Variants in PASD1 observed in about 807,000 individuals in gnomAD.
PASD1 encodes PAS domain containing repressor 1, also known as circadian clock protein PASD1.
In PASD1, 13 loss-of-function variants were observed where a neutral mutation model predicts 58.8. That is an observed-to-expected ratio of 0.22 (90% CI 0.14 to 0.35). The LOEUF is 0.35. PASD1 is among the 10% of genes least tolerant of loss of function. The pLI is 1.00. For missense variants in PASD1, 734 were observed against 568.3 expected, an observed-to-expected ratio of 1.29 and a Z score of -2.96; for synonymous variants, 236 against 216.7, an observed-to-expected ratio of 1.09 and a Z score of -0.78.
intron 4 of PASD1, among the ~76,000 whole-genome samples, chrX:151,614,055 G>A (rs766235977): frequency 1.3e-4 from 14 of 109,572 alleles, no homozygotes; most frequent in Non-Finnish European, 2.7e-4. Flanking sequence ...TGCGATCTCG[G>A]CTCACTGCAA....
At chrX:151,608,904 T>C (rs1004394932) in intron 3 of PASD1, among the ~76,000 whole-genome samples, 1 of 111,710 alleles carries the variant, frequency 9.0e-6, no homozygotes, top group African/African-American at 3.2e-5. Flanking sequence ...TGTAATGATA[T>C]CCACTTTTCA....
intron 1 of PASD1, among the ~76,000 whole-genome samples, chrX:151,576,176 T>A (rs1249545555): frequency 9.0e-6 from 1 of 110,953 alleles, no homozygotes. Context: ...TCCTAATTTT[T>A]AAATTTTTTT....
chrX:151,585,955 C>T lies in PASD1; in HGVS notation c.-27-15572C>T, dbSNP rs1283521497. On this transcript the variant is annotated intron_variant, in intron 1 of 15. Coordinates refer to ENST00000370357, the MANE Select transcript of PASD1 (RefSeq NM_173493.3). ...AATTAACAAACATTTAATTACCTGC[C>T]TGATACTGATCAGCAGAATTCTTAC... 4.5e-5 allele frequency among the ~76,000 whole-genome samples: 5 copies of T among 111,603 alleles called. 1 individual carries two copies.
At chrX:151,672,126 T>C (rs1172506743) in intron 13 of PASD1, 57 bp from the exon 14 acceptor site, 3 of 1,114,733 alleles carry the variant, frequency 2.7e-6, no homozygotes, top group African/African-American at 1.9e-5. Context: ...GTTAAATAAG[T>C]TTCTGGGAGG....
rs371504081 is a variant in PASD1 at position 151,619,217 on chromosome X, T to A, written c.208-1713T>A. Among the ~76,000 whole-genome samples the A allele has an allele frequency of 1.6e-4, 18 of 111,401 alleles. No individual in the cohort carries two copies. The Admixed American group carries it at 1.6e-3, about 10-fold the overall frequency. ...TGGACTGGATATTGAGTTTGAGAGA[T>A]AAAAGGCAAGTCAAGGACAAGTAAA... On this transcript the variant is annotated intron_variant, in intron 4 of 15. Coordinates refer to ENST00000370357, the MANE Select transcript of PASD1 (RefSeq NM_173493.3).
intron 4 of PASD1, among the ~76,000 whole-genome samples, chrX:151,613,388 A>G (rs1249892638): frequency 9.2e-6 from 1 of 108,450 alleles, no homozygotes; most frequent in African/African-American, 3.4e-5. Context: ...GATGGCATTG[A>G]ATCTATAAAT....
chrX:151,673,738 A>G (rs17319685), intron 14 of PASD1, 190 bp from the exon 15 acceptor site: 103,788 of 469,458 alleles, frequency 0.22, 8,543 homozygotes, highest in Middle Eastern at 0.34. Context: ...AATTTCTCTC[A>G]GTGTCTACAT....
Position 151,664,145 on chromosome X carries a change from G to A in PASD1, c.868G>A (p.Glu290Lys). ...CTTATCCTTGCAAGACTTTCGAGGT[G>A]AGCCTGAGGTGAATCCATTGTACAG... The part of the protein sequence containing the change: ...PALSLQDFRG[E>K]PEVNPLYRAD... The change falls in exon 11 of 16, where the codon GAG (glutamate) becomes AAG (lysine). Residue 290 changes from glutamate to lysine, a missense_variant. Coordinates refer to ENST00000370357, the MANE Select transcript of PASD1 (RefSeq NM_173493.3). 6 of 1,210,623 alleles carry A rather than the reference G, an allele frequency of 5.0e-6. No homozygotes were observed. Among genetic ancestry groups the A allele is most frequent in the African/African-American group, 3.5e-5 (2 of 57,416 alleles).
At chrX:151,646,769 T>C (rs1186335384) in intron 8 of PASD1, among the ~76,000 whole-genome samples, 1 of 112,606 alleles carries the variant, frequency 8.9e-6, no homozygotes, top group African/African-American at 3.2e-5. Context: ...TTGATTGAAT[T>C]GACTACTAAG....
chrX:151,641,840 A>G (rs544669534), intron 8 of PASD1, among the ~76,000 whole-genome samples: 2,129 of 103,536 alleles, frequency 0.021, 50 homozygotes, highest in African/African-American at 0.058. Context: ...ACACACACAC[A>G]CGCGCGCGCG....
intron 10 of PASD1, among the ~76,000 whole-genome samples, chrX:151,662,886 T>G (rs1457661746): frequency 8.9e-6 from 1 of 112,244 alleles, no homozygotes; most frequent in Non-Finnish European, 1.9e-5. Context: ...GCATTTTTTT[T>G]GTCTTTAGCT....
At chrX:151,571,250 A>T (rs1053174106) in intron 1 of PASD1, among the ~76,000 whole-genome samples, 10 of 112,193 alleles carry the variant, frequency 8.9e-5, no homozygotes, top group Non-Finnish European at 1.5e-4. Flanking sequence ...GAGTGCTGAA[A>T]TTGTTGTCCT....
intron 9 of PASD1, among the ~76,000 whole-genome samples, chrX:151,656,336 G>A (rs1199492022): frequency 2.7e-5 from 3 of 111,385 alleles, no homozygotes; most frequent in East Asian, 2.8e-4. Flanking sequence ...TTGGCAATGC[G>A]GGCTCTTTTT....
At chrX:151,604,432 G>T (rs941222678) in intron 2 of PASD1, among the ~76,000 whole-genome samples, 1 of 111,710 alleles carries the variant, frequency 9.0e-6, no homozygotes, top group Non-Finnish European at 1.9e-5. Flanking sequence ...AATTGAGTTG[G>T]ATGATCTTCA....
intron 1 of PASD1, among the ~76,000 whole-genome samples, chrX:151,565,009 A>G (rs1249474778): frequency 8.9e-6 from 1 of 112,350 alleles, no homozygotes; most frequent in South Asian, 3.7e-4. Flanking sequence ...TGTAATATGC[A>G]TGCCATACAC....
chrX:151,620,874 C>G, intron 4 of PASD1, 56 bp from the exon 5 acceptor site: 1 of 912,619 alleles, frequency 1.1e-6, no homozygotes, highest in Non-Finnish European at 1.6e-6. Flanking sequence ...AAAAAGTTTA[C>G]TCTCTCCCTC....
intron 15 of PASD1, 90 bp downstream of exon 15, chrX:151,674,276 C>A: frequency 9.1e-7 from 1 of 1,100,443 alleles, no homozygotes. Flanking sequence ...CAAGTGCATG[C>A]TGTGTGTGAG....
chrX:151,627,665 ATG>A (rs2013807808), intron 8 of PASD1, among the ~76,000 whole-genome samples: 1 of 111,824 alleles, frequency 8.9e-6, no homozygotes, highest in Admixed American at 9.5e-5. Context: ...CAGTAAACAT[ATG>A]TGTGCACGTG....
intron 8 of PASD1, among the ~76,000 whole-genome samples, chrX:151,646,003 C>CCGGCGCAAGTGAT (rs1324867200): frequency 1.8e-5 from 2 of 110,387 alleles, no homozygotes; most frequent in Admixed American, 9.8e-5. Flanking sequence ...CTTGACCTCC[C>CCGGCGCAAGTGAT]CGGCTCAAGT....
Sources: allele counts gnomAD v4.1 joint callset (sites outside exome capture counted in the v4.1 genomes callset), GRCh38; gene constraint gnomAD v4.1.1; transcripts MANE v1.5; gene names NCBI Gene and HGNC (gene_info 2026-07-23, HGNC 2026-07-21).